The following NR1I2 variants were observed in gnomAD, a reference collection of about 807,000 sequenced individuals.
The protein encoded by NR1I2 is orphan nuclear receptor PAR1.
Under a neutral mutation model 43.3 loss-of-function variants are expected in NR1I2, and 42 were observed. The observed-to-expected ratio is 0.97, with a 90% CI of 0.76 to 1.26. The LOEUF (loss-of-function observed/expected upper bound fraction) is 1.26, where lower values mean the gene tolerates loss of function less well. Among genes scored for constraint, NR1I2 ranks in the 50% most tolerant of loss-of-function variants. NR1I2 has a pLI of 0.00. For missense variants in NR1I2, 559 were observed against 566.7 expected, an observed-to-expected ratio of 0.99 and a Z score of 0.14; for synonymous variants, 229 against 215.0, an observed-to-expected ratio of 1.06 and a Z score of -0.57.
At chr3:119,813,730 C>T (rs1039444626) in intron 5 of NR1I2, among the ~76,000 whole-genome samples, 2 of 152,006 alleles carry the variant, frequency 1.3e-5, no homozygotes, top group Non-Finnish European at 2.9e-5. Flanking sequence ...TGGGGTGATG[C>T]TGACAGCAGG....
At chr3:119,803,485 A>C (rs745410458) in intron 1 of NR1I2, among the ~76,000 whole-genome samples, 2 of 152,230 alleles carry the variant, frequency 1.3e-5, no homozygotes, top group Non-Finnish European at 2.9e-5. Context: ...CCAGACATTG[A>C]ATCTACCAGT....
chr3:119,815,365 A>G lies in NR1I2; in HGVS notation c.980A>G (p.His327Arg). The change falls in exon 7 of 9, where the codon CAC (histidine) becomes CGC (arginine). Residue 327 changes from histidine (H) to arginine (R), a missense_variant. Coordinates refer to ENST00000393716, the MANE Select transcript of NR1I2 (RefSeq NM_003889.4). ...CTACTGGAGCCCATGCTGAAATTCC[A>G]CTACATGCTGAAGAAGCTGCAGCTG... The G allele has an allele frequency of 6.2e-7, 1 of 1,613,936 alleles. No homozygotes were observed. Among genetic ancestry groups the G allele is most frequent in the Non-Finnish European group, 8.5e-7 (1 of 1,180,020 alleles).
At position 119,784,567 on chromosome 3, in the gene NR1I2, C is replaced by T. The variant is rs573503506; in HGVS notation, c.-23+2267C>T. Among the ~76,000 whole-genome samples, 18 of 152,152 alleles carry T rather than the reference C, an allele frequency of 1.2e-4. No homozygotes were observed. The South Asian group carries it at 3.7e-3, about 32-fold the overall frequency. On this transcript the variant is annotated intron_variant, in intron 1 of 8. Transcript: ENST00000393716. ...TTGATGTAGTTGAATCTGTTAGTTT[C>T]CCTCTTTCTGGATTTTACTCTTTGA...
At chr3:119,785,795 A>G (rs2054835108) in intron 1 of NR1I2, among the ~76,000 whole-genome samples, 1 of 152,180 alleles carries the variant, frequency 6.6e-6, no homozygotes, top group Non-Finnish European at 1.5e-5. Context: ...AAAATTTAGT[A>G]TTTCTAGGTG....
chr3:119,799,022 G>T (rs1357985427), intron 1 of NR1I2, among the ~76,000 whole-genome samples: 7 of 152,320 alleles, frequency 4.6e-5, no homozygotes, highest in African/African-American at 1.7e-4. Context: ...CAGTTTTTGT[G>T]TGTGGGCATA....
chr3:119,799,963 AAAAC>A (rs566598313), intron 1 of NR1I2, among the ~76,000 whole-genome samples: 1,929 of 150,966 alleles, frequency 0.013, 30 homozygotes, highest in African/African-American at 0.042. Context: ...TTTGTCTCAA[AAAAC>A]AAACAAACAA....
chr3:119,811,483 G>A (rs957044534), intron 3 of NR1I2, 56 bp from the exon 4 acceptor site: 4 of 1,534,178 alleles, frequency 2.6e-6, no homozygotes, highest in Non-Finnish European at 2.7e-6. Flanking sequence ...GCTCTCCAGG[G>A]GGCTGGAGGC....
Position 119,817,657 on chromosome 3 carries a change from C to G in NR1I2, c.*445C>G. 8.9e-7 allele frequency: 1 copy of G among 1,124,806 alleles called. No homozygotes were observed. Among genetic ancestry groups the G allele is most frequent in the Non-Finnish European group, 1.1e-6 (1 of 909,558 alleles). 69.7% of individuals were successfully genotyped at this position (1,124,806 alleles called of 1,614,324 possible). A position where few individuals can be genotyped will look rare whatever the true frequency, so the allele number is the denominator to read the frequency against. On this transcript the variant is annotated 3_prime_UTR_variant, in exon 9 of 9. Transcript: ENST00000393716. ...TCTTTTCATTGCTACCTCTAATAGTCCTGTCTCCCACTTCCCACTCGTTCC... is the reference window on the plus strand; with the variant it reads ...TCTTTTCATTGCTACCTCTAATAGTGCTGTCTCCCACTTCCCACTCGTTCC...
chr3:119,817,645 A>T lies in NR1I2; in HGVS notation c.*433A>T, dbSNP rs2055348882. On this transcript the variant is annotated 3_prime_UTR_variant, in exon 9 of 9. Coordinates refer to ENST00000393716, the MANE Select transcript of NR1I2 (RefSeq NM_003889.4). ...TCGCTTCCTGAGTCTTTTCATTGCT[A>T]CCTCTAATAGTCCTGTCTCCCACTT... The T allele has an allele frequency of 5.3e-6, 6 of 1,133,830 alleles. No individual in the cohort carries two copies. The highest frequency in any genetic ancestry group is 5.5e-6 in the Non-Finnish European group (5 of 914,266). 70.2% of individuals were successfully genotyped at this position (1,133,830 alleles called of 1,614,324 possible).
intron 1 of NR1I2, among the ~76,000 whole-genome samples, chr3:119,788,268 C>T (rs533126067): frequency 6.6e-6 from 1 of 151,864 alleles, no homozygotes; most frequent in Non-Finnish European, 1.5e-5. Flanking sequence ...TGTGTGCCAC[C>T]ATGCCCAGAC....
intron 1 of NR1I2, among the ~76,000 whole-genome samples, chr3:119,794,436 C>T (rs1414886045): frequency 6.6e-6 from 1 of 151,680 alleles, no homozygotes; most frequent in Non-Finnish European, 1.5e-5. Context: ...TCAAGTGATC[C>T]TCCCACTTTG....
intron 1 of NR1I2, among the ~76,000 whole-genome samples, chr3:119,791,365 C>G (rs1300556949): frequency 6.6e-6 from 1 of 152,166 alleles, no homozygotes; most frequent in Non-Finnish European, 1.5e-5. Context: ...CTATGAGAGT[C>G]TCCTGTACAA....
chr3:119,801,429 A>C (rs192015359), intron 1 of NR1I2, among the ~76,000 whole-genome samples: 1 of 152,298 alleles, frequency 6.6e-6, no homozygotes, highest in African/African-American at 2.4e-5. Context: ...GGTCTCCCTA[A>C]ATTTGCATGA....
Position 119,818,324 on chromosome 3 carries a change from C to G in NR1I2, c.*1112C>G. 1 of 985,382 alleles carries G rather than the reference C, an allele frequency of 1.0e-6. No individual in the cohort carries two copies. Among genetic ancestry groups the G allele is most frequent in the South Asian group, 4.7e-5 (1 of 21,278 alleles). 61.0% of individuals were successfully genotyped at this position (985,382 alleles called of 1,614,324 possible). A position where few individuals can be genotyped will look rare whatever the true frequency, so the allele number is the denominator to read the frequency against. On this transcript the variant is annotated 3_prime_UTR_variant, in exon 9 of 9. Coordinates refer to ENST00000393716, the MANE Select transcript of NR1I2 (RefSeq NM_003889.4). ...CTCAAAGCTAAAGGGTATGAAAGTG[C>G]CTGCCTTGTTTATAGCCACTTGTGA...
At chr3:119,803,329 C>CTTT (rs11389476) in intron 1 of NR1I2, among the ~76,000 whole-genome samples, 1 of 142,122 alleles carries the variant, frequency 7.0e-6, no homozygotes, top group Admixed American at 7.1e-5. Context: ...TCTTTTCTTT[C>CTTT]TTTTTTTTTT....
At position 119,787,655 on chromosome 3, in the gene NR1I2, ATATGTGTGTG is replaced by A. The variant is rs1448267560; in HGVS notation, c.-23+5357_-23+5366del. Among the ~76,000 whole-genome samples, 705 of 79,550 alleles carry A rather than the reference ATATGTGTGTG, an allele frequency of 8.9e-3. 4 individuals are homozygous for A. Among genetic ancestry groups the A allele is most frequent in the Non-Finnish European group, 0.013 (516 of 40,704 alleles). The allele number at this position is 79,550 out of a possible 152,430, so 52.2% of individuals were successfully genotyped here. A position where few individuals can be genotyped will look rare whatever the true frequency, so the allele number is the denominator to read the frequency against. The stretch of plus-strand genomic sequence containing the variant: ...TATCCTCTGGCCAGTTCTGCTATTA[ATATGTGTGTG>A]TGTGTGTGTGTGTGTGTGTGTGTGT... On this transcript the variant is annotated intron_variant, in intron 1 of 8. Coordinates refer to ENST00000393716, the MANE Select transcript of NR1I2 (RefSeq NM_003889.4).
chr3:119,812,539 G>A lies in NR1I2; in HGVS notation c.520-147G>A, dbSNP rs541093041. 2.6e-5 allele frequency: 21 copies of A among 811,282 alleles called. 1 individual carries two copies. In the East Asian group the frequency reaches 3.2e-4, roughly 12 times the overall value. The allele number at this position is 811,282 out of a possible 1,614,324, so 50.3% of individuals were successfully genotyped here. Reference sequence around the variant, plus strand: ...TGTGTGTATATGTGTGAGGACACACGCATGCATGTGGGTGTGAATGCCTGC... The same window carrying A: ...TGTGTGTATATGTGTGAGGACACACACATGCATGTGGGTGTGAATGCCTGC... On this transcript the variant is annotated intron_variant, in intron 4 of 8. Coordinates refer to ENST00000393716, the MANE Select transcript of NR1I2 (RefSeq NM_003889.4).
At chr3:119,790,056 G>A (rs151164398) in intron 1 of NR1I2, among the ~76,000 whole-genome samples, 2,936 of 152,124 alleles carry the variant, frequency 0.019, 33 homozygotes, top group Middle Eastern at 0.078. Context: ...CATCTTTTAA[G>A]ATGGAAACTC....
Position 119,817,242 on chromosome 3 carries a change from G to A in NR1I2, c.*30G>A, listed in dbSNP as rs2055344110. On this transcript the variant is annotated 3_prime_UTR_variant, in exon 9 of 9. Coordinates refer to ENST00000393716, the MANE Select transcript of NR1I2 (RefSeq NM_003889.4). ...CTGCCCTTGGGTGACACCTCCGAGA[G>A]GCAGCCAGACCCAGAGCCCTCTGAG... is the stretch of plus-strand genomic sequence containing the variant. 1.2e-6 allele frequency: 2 copies of A among 1,612,354 alleles called. No individual in the cohort carries two copies. The highest frequency in any genetic ancestry group is 1.7e-6 in the Non-Finnish European group (2 of 1,179,932).
Sources: allele counts gnomAD v4.1 joint callset (sites outside exome capture counted in the v4.1 genomes callset), GRCh38; gene constraint gnomAD v4.1.1; transcripts MANE v1.5; gene names NCBI Gene and HGNC (gene_info 2026-07-23, HGNC 2026-07-21).